TNRC18: variants seen among roughly 807,000 people sequenced by gnomAD.
The protein encoded by TNRC18 is trinucleotide repeat containing 18, also known as trinucleotide repeat-containing gene 18 protein.
A neutral mutation model predicts 226.7 loss-of-function variants in TNRC18; 69 were observed. That is an observed-to-expected ratio of 0.30 (90% CI 0.25 to 0.37). The LOEUF (loss-of-function observed/expected upper bound fraction) is 0.37. Among genes scored for constraint, TNRC18 ranks in the 10% least tolerant of loss-of-function variants. The pLI is 1.00. For missense variants in TNRC18, 4,754 were observed against 4,256.6 expected (o/e 1.12, Z -3.25); for synonymous variants, 2,449 against 1,927.6 (o/e 1.27, Z -7.09).
chr7:5,389,464 T>TC (rs1277587029), intron 4 of TNRC18, 128 bp from the exon 5 acceptor site: 29 of 1,083,100 alleles, frequency 2.7e-5, no homozygotes, highest in South Asian at 9.8e-5. Flanking sequence ...GGTTTTGGTT[T>TC]TTTTTTTCAG....
intron 17 of TNRC18, among the ~76,000 whole-genome samples, chr7:5,349,185 G>A (rs1006383013): frequency 6.6e-6 from 1 of 152,224 alleles, no homozygotes; most frequent in African/African-American, 2.4e-5. Context: ...CGGCATGGGA[G>A]ACCCTCCCGC....
At chr7:5,350,593 C>T (rs1050187079) in intron 17 of TNRC18, among the ~76,000 whole-genome samples, 1 of 152,144 alleles carries the variant, frequency 6.6e-6, no homozygotes, top group Non-Finnish European at 1.5e-5. Flanking sequence ...AGTGGGAGTT[C>T]GCCCTGAAGC....
Position 5,398,148 on chromosome 7 carries a change from A to G in TNRC18, c.188-3553T>C, listed in dbSNP as rs1320204984. Reference sequence around the variant, plus strand: ...CTTGGGTAGCTGGGACCACAGGCACACATCATCAGGCCCAGCAAAAAAAAA... The same window carrying G: ...CTTGGGTAGCTGGGACCACAGGCACGCATCATCAGGCCCAGCAAAAAAAAA... On this transcript the variant is annotated intron_variant, in intron 2 of 29. Coordinates refer to ENST00000430969, the MANE Select transcript of TNRC18 (RefSeq NM_001080495.3). Among the ~76,000 whole-genome samples, 3 of 151,628 alleles carry G rather than the reference A, an allele frequency of 2.0e-5. No individual in the cohort carries two copies. The East Asian group carries it at 5.8e-4, about 29-fold the overall frequency.
chr7:5,347,232 G>C (rs912681978), intron 17 of TNRC18, among the ~76,000 whole-genome samples: 7 of 148,782 alleles, frequency 4.7e-5, no homozygotes, highest in Non-Finnish European at 7.4e-5. Flanking sequence ...CTGTCACCCA[G>C]GCTGGAGTGC....
rs746976706 is a variant in TNRC18, at chr7:5,312,455, C to G, written c.8388+48G>C. The G allele has an allele frequency of 8.8e-6, 14 of 1,592,330 alleles. No homozygotes were observed. The highest frequency in any genetic ancestry group is 6.7e-5 in the African/African-American group (5 of 74,446). Reference sequence around the variant, plus strand: ...TGAAGCCGTGGGCCCAGCAGAGAGACACAAGGCCCCCGGCCCCTCGGCCGT... The same window carrying G: ...TGAAGCCGTGGGCCCAGCAGAGAGAGACAAGGCCCCCGGCCCCTCGGCCGT... On this transcript the variant is annotated intron_variant, in intron 27 of 29. Coordinates refer to ENST00000430969, the MANE Select transcript of TNRC18 (RefSeq NM_001080495.3). The surrounding 1 kb of genome is among the most constrained non-coding windows in gnomAD (Gnocchi z 6.3).
Position 5,374,286 on chromosome 7 carries a change from G to A in TNRC18, c.2998C>T (p.Pro1000Ser). The stretch of plus-strand genomic sequence containing the variant: ...ACCTTGGCCTTCAGGGCAGCCACAG[G>A]GGATGCGCGGGGTGATGGTGGCGGG... Reference protein sequence around the residue: ...VSPPPSPRASPVAALKAKVIQ... With the variant: ...VSPPPSPRASSVAALKAKVIQ... Residue 1000 changes from proline (P) to serine (S), a missense_variant, in exon 10 of 30, where the codon CCT becomes TCT. By Grantham distance (74) the Pro-to-Ser change is moderately conservative. Coordinates refer to ENST00000430969, the MANE Select transcript of TNRC18 (RefSeq NM_001080495.3). 2.0e-6 allele frequency: 3 copies of A among 1,469,680 alleles called. No homozygotes were observed. Among genetic ancestry groups the A allele is most frequent in the African/African-American group, 1.5e-5 (1 of 68,542 alleles). The allele number at this position is 1,469,680 out of a possible 1,614,324, so 91.0% of individuals were successfully genotyped here. A position where few individuals can be genotyped will look rare whatever the true frequency, so the allele number is the denominator to read the frequency against.
At chr7:5,412,093 G>A (rs938625203) in intron 2 of TNRC18, among the ~76,000 whole-genome samples, 2 of 152,028 alleles carry the variant, frequency 1.3e-5, no homozygotes, top group South Asian at 4.1e-4. Flanking sequence ...AGGCACTGAA[G>A]TGGGAGGCTC....
intron 18 of TNRC18, among the ~76,000 whole-genome samples, chr7:5,342,171 G>A (rs1037454909): frequency 4.1e-4 from 62 of 152,244 alleles, no homozygotes; most frequent in Non-Finnish European, 8.7e-4. Flanking sequence ...GCTCACGCCT[G>A]TAACCCCAGC....
At position 5,423,462 on chromosome 7, in the gene TNRC18, C is replaced by T. The variant is rs1193522557; in HGVS notation, c.-265G>A. The T allele has an allele frequency of 6.6e-6, 1 of 152,166 alleles. No homozygotes were observed. Among genetic ancestry groups the T allele is most frequent in the Non-Finnish European group, 1.5e-5 (1 of 68,038 alleles). The allele number at this position is 152,166 out of a possible 1,614,324, so 9.4% of individuals were successfully genotyped here. A position where few individuals can be genotyped will look rare whatever the true frequency, so the allele number is the denominator to read the frequency against. The stretch of plus-strand genomic sequence containing the variant: ...GTACCTGGCGCGGCTGGGTTCACGG[C>T]TCCAGGCTCCGGCGACAACGACTCC... On this transcript the variant is annotated 5_prime_UTR_variant, in exon 1 of 30. Transcript: ENST00000430969.
Position 5,389,380 on chromosome 7 carries a change from C to T in TNRC18, c.488-44G>A, listed in dbSNP as rs773228681. 7 of 1,232,806 alleles carry T rather than the reference C, an allele frequency of 5.7e-6. No homozygotes were observed. The South Asian group carries it at 1.5e-4, about 26-fold the overall frequency. The allele number at this position is 1,232,806 out of a possible 1,614,324, so 76.4% of individuals were successfully genotyped here. Reference sequence around the variant, plus strand: ...CAGGCAGTGAGCGAGCGCCACCTCCCCTCCCACCCCTGCCTGGGCGGAGGC... The same window carrying T: ...CAGGCAGTGAGCGAGCGCCACCTCCTCTCCCACCCCTGCCTGGGCGGAGGC... On this transcript the variant is annotated intron_variant, in intron 4 of 29. Coordinates refer to ENST00000430969, the MANE Select transcript of TNRC18 (RefSeq NM_001080495.3).
chr7:5,379,412 A>C (rs531499193), intron 5 of TNRC18, among the ~76,000 whole-genome samples: 39 of 152,140 alleles, frequency 2.6e-4, no homozygotes, highest in Admixed American at 2.4e-3. Context: ...AAAAAAAAAA[A>C]AATCAAGATA....
intron 18 of TNRC18, 45 bp downstream of exon 18, chr7:5,345,517 G>GGGGCGGGCCCCCCCCCCCCCCCCCCCC: frequency 2.6e-6 from 1 of 377,744 alleles, no homozygotes; most frequent in Middle Eastern, 7.4e-4. Flanking sequence ...AATGGCGTCC[G>GGGGCGGGCCCCCCCCCCCCCCCCCCCC]CCCCTCCCAC....
At chr7:5,329,297 G>A (rs1473392842) in intron 19 of TNRC18, among the ~76,000 whole-genome samples, 1 of 148,920 alleles carries the variant, frequency 6.7e-6, no homozygotes, top group African/African-American at 2.5e-5. Flanking sequence ...GACAGATTCT[G>A]TCTTTAAAAA....
At chr7:5,414,059 G>A (rs1277752542) in intron 2 of TNRC18, among the ~76,000 whole-genome samples, 1 of 151,204 alleles carries the variant, frequency 6.6e-6, no homozygotes, top group Non-Finnish European at 1.5e-5. Context: ...TGATTCTCCT[G>A]CCTCAGCCTC....
At chr7:5,392,956 G>A (rs973946375) in intron 3 of TNRC18, among the ~76,000 whole-genome samples, 7 of 150,600 alleles carry the variant, frequency 4.6e-5, no homozygotes, top group African/African-American at 1.7e-4. Context: ...AGGTTGCAGT[G>A]AGCTGAGATT....
At chr7:5,420,717 C>G in intron 2 of TNRC18, 1 of 549,510 alleles carries the variant, frequency 1.8e-6, no homozygotes, top group South Asian at 1.5e-5. Flanking sequence ...GTGCGGGGGC[C>G]GGTTTGTTCT....
chr7:5,369,893 A>G (rs1793983646), intron 11 of TNRC18, among the ~76,000 whole-genome samples: 1 of 152,208 alleles, frequency 6.6e-6, no homozygotes, highest in African/African-American at 2.4e-5. Flanking sequence ...CACTCACTCA[A>G]CAGGACGCTT....
At chr7:5,392,201 T>C (rs1017106359) in intron 3 of TNRC18, among the ~76,000 whole-genome samples, 21 of 152,134 alleles carry the variant, frequency 1.4e-4, no homozygotes, top group African/African-American at 4.6e-4. Context: ...CAGTGGCTCA[T>C]GCCTGTAATC....
At chr7:5,354,188 A>T (rs1448192948) in intron 16 of TNRC18, among the ~76,000 whole-genome samples, 1 of 152,120 alleles carries the variant, frequency 6.6e-6, no homozygotes, top group Non-Finnish European at 1.5e-5. Context: ...GGGCAAAAAC[A>T]GCAAAACTCC....
Sources: allele counts gnomAD v4.1 joint callset (sites outside exome capture counted in the v4.1 genomes callset), GRCh38; gene constraint gnomAD v4.1.1; non-coding constraint Gnocchi (gnomAD v3.1); transcripts MANE v1.5; gene names NCBI Gene and HGNC (gene_info 2026-07-23, HGNC 2026-07-21).